Variants in R3HCC1L observed in about 807,000 individuals in gnomAD.
R3HCC1L encodes R3H domain and coiled-coil containing 1 like.
R3HCC1L carries 51 observed loss-of-function variants against 59.9 expected under a neutral mutation model. The observed-to-expected ratio is 0.85, with a 90% CI of 0.68 to 1.07. The LOEUF is 1.07. Ranked by LOEUF, R3HCC1L falls within the 50% of genes least tolerant of loss-of-function variation. The pLI is 0.00. For synonymous variants in R3HCC1L, 322 were observed against 315.2 expected, an observed-to-expected ratio of 1.02 and a Z score of -0.23; for missense variants, 965 against 933.0, an observed-to-expected ratio of 1.03 and a Z score of -0.45.
chr10:98,146,878 G>A (rs1056804196), intron 1 of R3HCC1L, among the ~76,000 whole-genome samples: 1 of 152,180 alleles, frequency 6.6e-6, no homozygotes, highest in African/African-American at 2.4e-5. Context: ...TGGAAGTGCA[G>A]ATGTCTCTTT....
In R3HCC1L at chr10:98,139,299, A is replaced by G. The variant is rs147260429; in HGVS notation, c.-268+4593A>G. On this transcript the variant is annotated intron_variant, in intron 1 of 9. Transcript: ENST00000298999. ...AAGTATAGATTTTTCATTAGCTTAT[A>G]TAAATATATGATTAGCCGTCACACT... Among the ~76,000 whole-genome samples, 63 of 152,370 alleles carry G rather than the reference A, an allele frequency of 4.1e-4. 1 individual carries two copies. Among genetic ancestry groups the G allele is most frequent in the African/African-American group, 1.5e-3 (62 of 41,594 alleles).
chr10:98,205,221 G>T (rs563741562), intron 4 of R3HCC1L, among the ~76,000 whole-genome samples: 6 of 152,216 alleles, frequency 3.9e-5, no homozygotes, highest in Admixed American at 2.6e-4. Context: ...AGCTATTTAT[G>T]TAAGTATATC....
chr10:98,172,191 A>T (rs989945455), intron 4 of R3HCC1L, among the ~76,000 whole-genome samples: 1 of 152,162 alleles, frequency 6.6e-6, no homozygotes, highest in African/African-American at 2.4e-5. Context: ...TCCACGGGAT[A>T]TACACGTATT....
chr10:98,178,750 T>C (rs893953903), intron 4 of R3HCC1L, among the ~76,000 whole-genome samples: 2 of 152,228 alleles, frequency 1.3e-5, no homozygotes, highest in Admixed American at 1.3e-4. Context: ...GAGCACTGGT[T>C]TGTAGTTGTC....
At chr10:98,179,375 A>G (rs561279873) in intron 4 of R3HCC1L, among the ~76,000 whole-genome samples, 161 of 151,744 alleles carry the variant, frequency 1.1e-3, no homozygotes, top group African/African-American at 3.7e-3. Flanking sequence ...TTATTGATTT[A>G]TGTATGTTGA....
intron 4 of R3HCC1L, among the ~76,000 whole-genome samples, chr10:98,196,542 G>A (rs1851452405): frequency 1.3e-5 from 2 of 152,116 alleles, no homozygotes; most frequent in South Asian, 4.1e-4. Context: ...TATAAGGCGT[G>A]TGCTACCATG....
intron 4 of R3HCC1L, among the ~76,000 whole-genome samples, chr10:98,192,057 T>G (rs1180991920): frequency 6.6e-6 from 1 of 152,134 alleles, no homozygotes; most frequent in African/African-American, 2.4e-5. Flanking sequence ...ACTCCTGACC[T>G]CAGGTGATCC....
At chr10:98,215,457 T>C (rs966875542) in intron 5 of R3HCC1L, among the ~76,000 whole-genome samples, 3 of 152,192 alleles carry the variant, frequency 2.0e-5, no homozygotes, top group Admixed American at 2.0e-4. Context: ...TAAAATAAAT[T>C]GGTTAAGATT....
intron 4 of R3HCC1L, among the ~76,000 whole-genome samples, chr10:98,183,161 G>C (rs565892471): frequency 6.6e-6 from 1 of 152,028 alleles, no homozygotes; most frequent in Non-Finnish European, 1.5e-5. Context: ...GTTCCTATTC[G>C]GCCGTCTTGG....
chr10:98,187,059 G>T (rs1023690635), intron 4 of R3HCC1L, among the ~76,000 whole-genome samples: 1 of 152,072 alleles, frequency 6.6e-6, no homozygotes, highest in Admixed American at 6.6e-5. Context: ...ATGTATACAA[G>T]CACTTAACCC....
In R3HCC1L at chr10:98,233,946, A is replaced by T. The variant is rs563909018; in HGVS notation, c.1962-500A>T. 1.2e-4 allele frequency among the ~76,000 whole-genome samples: 19 copies of T among 152,068 alleles called. No individual in the cohort carries two copies. The East Asian group carries it at 1.5e-3, about 12-fold the overall frequency. Reference sequence around the variant, plus strand: ...TTTTTCCCCGTTACTTGACTTTTTTAAAAAAATTGAATAACATCTTCAGTA... The same window carrying T: ...TTTTTCCCCGTTACTTGACTTTTTTTAAAAAATTGAATAACATCTTCAGTA... On this transcript the variant is annotated intron_variant, in intron 6 of 9. Coordinates refer to ENST00000298999, the MANE Select transcript of R3HCC1L (RefSeq NM_001351015.2).
At position 98,141,720 on chromosome 10, in the gene R3HCC1L, G is replaced by A. The variant is rs557937534; in HGVS notation, c.-268+7014G>A. 5.9e-5 allele frequency among the ~76,000 whole-genome samples: 9 copies of A among 152,324 alleles called. 1 individual carries two copies. The South Asian group carries it at 1.7e-3, about 28-fold the overall frequency. ...GTCCCTCAGAACACCTACCTACCCA[G>A]ATAGGCTAATTTGAGCTTCTTTGCA... On this transcript the variant is annotated intron_variant, in intron 1 of 9. Transcript: ENST00000298999.
At chr10:98,240,143 TA>T (rs1480201995) in intron 9 of R3HCC1L, among the ~76,000 whole-genome samples, 1 of 151,978 alleles carries the variant, frequency 6.6e-6, no homozygotes, top group Non-Finnish European at 1.5e-5. Context: ...CTGTCTCTAC[TA>T]AAAATAGAAA....
intron 6 of R3HCC1L, 77 bp downstream of exon 6, chr10:98,231,764 CTT>C (rs757019275): frequency 3.0e-5 from 42 of 1,379,756 alleles, no homozygotes; most frequent in Non-Finnish European, 3.8e-5. Flanking sequence ...GAAATCATCT[CTT>C]GTTTTTTATA....
At chr10:98,236,310 T>C (rs1268317938) in intron 9 of R3HCC1L, 146 bp downstream of exon 9, 13 of 1,037,990 alleles carry the variant, frequency 1.3e-5, no homozygotes, top group Non-Finnish European at 1.4e-6. Flanking sequence ...TTTCATGCCT[T>C]ACGTCCAGGA....
In R3HCC1L at chr10:98,176,085, A is replaced by G. The variant is rs948898737; in HGVS notation, c.-15+12688A>G. Among the ~76,000 whole-genome samples the G allele has an allele frequency of 1.1e-4, 17 of 152,102 alleles. No individual in the cohort carries two copies. In the South Asian group the frequency reaches 1.2e-3, roughly 11 times the overall value. On this transcript the variant is annotated intron_variant, in intron 4 of 9. Coordinates refer to ENST00000298999, the MANE Select transcript of R3HCC1L (RefSeq NM_001351015.2). ...CATTTCTTGAAAATCAGTTGTTCAT[A>G]TATGTGTGAGTCTTCTTCTGGACTC...
intron 4 of R3HCC1L, among the ~76,000 whole-genome samples, chr10:98,164,064 T>C (rs1421040202): frequency 6.6e-6 from 1 of 152,136 alleles, no homozygotes; most frequent in East Asian, 1.9e-4. Context: ...GTGTAGCCAG[T>C]GACGATGGGC....
chr10:98,220,368 TTCTTTTTTTTTTCCCA>T (rs1317795125), intron 5 of R3HCC1L, among the ~76,000 whole-genome samples: 7 of 131,324 alleles, frequency 5.3e-5, no homozygotes, highest in African/African-American at 1.5e-4. Flanking sequence ...GGATTTCTTT[TTCTTTTTTTTTTCCCA>T]TCTTTTTTTT....
At chr10:98,190,589 A>G (rs1368903207) in intron 4 of R3HCC1L, among the ~76,000 whole-genome samples, 2 of 152,202 alleles carry the variant, frequency 1.3e-5, no homozygotes, top group East Asian at 3.8e-4. Context: ...TTAAATTGTA[A>G]AAAGTGAAGA....
Sources: allele counts gnomAD v4.1 joint callset (sites outside exome capture counted in the v4.1 genomes callset), GRCh38; gene constraint gnomAD v4.1.1; transcripts MANE v1.5; gene names NCBI Gene and HGNC (gene_info 2026-07-23, HGNC 2026-07-21).